Variants in HDAC9 observed in about 807,000 individuals in gnomAD.
HDAC9 encodes histone deacetylase 9, also known as MEF-2 interacting transcription repressor (MITR) protein.
Under a neutral mutation model 139.4 loss-of-function variants are expected in HDAC9, and 41 were observed. The observed-to-expected ratio is 0.29, with a 90% CI of 0.23 to 0.38. The LOEUF (loss-of-function observed/expected upper bound fraction) is 0.38, where lower values mean the gene tolerates loss of function less well. Ranked by LOEUF, HDAC9 falls within the 10% of genes least tolerant of loss-of-function variation. The probability of loss-of-function intolerance (pLI) is 1.00; values close to 1 mark genes in which losing one functional copy is unlikely to be tolerated. For synonymous variants in HDAC9, 517 were observed against 476.2 expected (o/e 1.09, Z -1.12); for missense variants, 1,147 against 1,297.0 (o/e 0.88, Z 1.78).
In HDAC9 at chr7:18,400,551, G is replaced by T. The variant is rs1562952995; in HGVS notation, c.-41-95711G>T. ...GGGGTCATCCATTGAGAGGATAGCC[G>T]GGAGGTATGAATGGGAACTTGAAAA... On this transcript the variant is annotated intron_variant, in intron 1 of 3. Transcript: ENST00000413509. 3.3e-5 allele frequency among the ~76,000 whole-genome samples: 5 copies of T among 152,164 alleles called. No homozygotes were observed. The South Asian group carries it at 1.0e-3, about 32-fold the overall frequency.
intron 2 of HDAC9, among the ~76,000 whole-genome samples, chr7:18,515,471 G>GCTAA (rs1295690460): frequency 3.3e-5 from 5 of 152,112 alleles, no homozygotes; most frequent in African/African-American, 9.7e-5. Flanking sequence ...GGAATCCAGG[G>GCTAA]CTAAGCAGCA....
chr7:18,473,250 G>A (rs1422356848), intron 1 of HDAC9, among the ~76,000 whole-genome samples: 3 of 152,086 alleles, frequency 2.0e-5, no homozygotes, highest in African/African-American at 7.2e-5. Flanking sequence ...ATGTTTGTAG[G>A]GTTCAGCAGA....
intron 21 of HDAC9, among the ~76,000 whole-genome samples, chr7:18,856,934 C>T (rs142968927): frequency 9.3e-4 from 141 of 152,236 alleles, no homozygotes; most frequent in Non-Finnish European, 1.7e-3. Flanking sequence ...GTTGTGAAAC[C>T]ATAAAGTGCC....
intron 19 of HDAC9, among the ~76,000 whole-genome samples, chr7:18,832,739 A>ATT (rs374428028): frequency 1.4e-5 from 2 of 147,134 alleles, no homozygotes; most frequent in African/African-American, 2.6e-5. Context: ...ATATATATAT[A>ATT]TTTTTTTTTT....
intron 2 of HDAC9, among the ~76,000 whole-genome samples, chr7:18,167,184 T>C (rs1788067251): frequency 6.7e-6 from 1 of 148,186 alleles, no homozygotes; most frequent in Non-Finnish European, 1.5e-5. Flanking sequence ...TTATTAACTA[T>C]TGTTTTGGAT....
chr7:18,748,217 A>G (rs1392138821), intron 13 of HDAC9, among the ~76,000 whole-genome samples: 1 of 152,210 alleles, frequency 6.6e-6, no homozygotes, highest in Non-Finnish European at 1.5e-5. Flanking sequence ...CTAATAATTC[A>G]TCTTATCATG....
intron 17 of HDAC9, among the ~76,000 whole-genome samples, chr7:18,810,494 TTG>T (rs1794090082): frequency 6.6e-6 from 1 of 151,896 alleles, no homozygotes; most frequent in African/African-American, 2.4e-5. Flanking sequence ...TAACAATCCA[TTG>T]ATATTTTTCA....
At chr7:18,569,271 G>A (rs1054748818) in intron 2 of HDAC9, among the ~76,000 whole-genome samples, 1 of 152,034 alleles carries the variant, frequency 6.6e-6, no homozygotes, top group South Asian at 2.1e-4. Flanking sequence ...TGTAAACACT[G>A]AAATTTGAAT....
rs373441653 is a variant in HDAC9 at position 18,901,221 on chromosome 7, T to TACAC, written c.2803+26649_2803+26652dup. 6.5e-4 allele frequency among the ~76,000 whole-genome samples: 80 copies of TACAC among 123,134 alleles called. 1 individual carries two copies. The highest frequency in any genetic ancestry group is 1.3e-3 in the Admixed American group (16 of 12,010). The allele number at this position is 123,134 out of a possible 152,430, so 80.8% of individuals were successfully genotyped here. A position where few individuals can be genotyped will look rare whatever the true frequency, so the allele number is the denominator to read the frequency against. On this transcript the variant is annotated intron_variant, in intron 22 of 25. Transcript: ENST00000686413. ...TACTATATATACATATATATATATA[T>TACAC]ACACACACACACACACACACACACA... is the stretch of plus-strand genomic sequence containing the variant.
rs536651828 is a variant in HDAC9, at chr7:18,435,619, GTACATGT to G, written c.-41-60642_-41-60636del. On this transcript the variant is annotated intron_variant, in intron 1 of 3. Coordinates refer to the HDAC9 transcript ENST00000413509. ...GTTTTTTACAATTTTATGTTCGGGG[GTACATGT>G]GCAGGTTTGTTATGTAGGTAAATTG... 2.4e-3 allele frequency among the ~76,000 whole-genome samples: 366 copies of G among 151,446 alleles called. 1 individual carries two copies. The highest frequency in any genetic ancestry group is 8.4e-3 in the African/African-American group (350 of 41,432).
At chr7:18,116,973 A>G (rs1344301110) in intron 1 of HDAC9, among the ~76,000 whole-genome samples, 2 of 152,234 alleles carry the variant, frequency 1.3e-5, no homozygotes, top group African/African-American at 2.4e-5. Context: ...TTTTGTTACA[A>G]TCATTCTGAA....
At chr7:18,298,236 C>A (rs931924581) in intron 1 of HDAC9, among the ~76,000 whole-genome samples, 11 of 151,488 alleles carry the variant, frequency 7.3e-5, no homozygotes, top group Non-Finnish European at 1.3e-4. Context: ...ATTTATCTAA[C>A]CTTTATAAAC....
chr7:18,950,197 C>G (rs1295477044), intron 23 of HDAC9, among the ~76,000 whole-genome samples: 1 of 152,106 alleles, frequency 6.6e-6, no homozygotes, highest in South Asian at 2.1e-4. Flanking sequence ...TGGAAGCAAC[C>G]TTTTCTCCTC....
chr7:18,441,022 G>C (rs529532253), intron 1 of HDAC9, among the ~76,000 whole-genome samples: 12 of 152,158 alleles, frequency 7.9e-5, no homozygotes, highest in Non-Finnish European at 1.5e-4. Context: ...ATCACTGTGT[G>C]CTCTTGGAGA....
intron 1 of HDAC9, among the ~76,000 whole-genome samples, chr7:18,363,769 T>G (rs1783966553): frequency 6.6e-6 from 1 of 152,138 alleles, no homozygotes; most frequent in Admixed American, 6.6e-5. Flanking sequence ...ACCAGGTGCC[T>G]CCTCTTTTTG....
upstream of HDAC9, among the ~76,000 whole-genome samples, chr7:18,289,748 C>T (rs888344396): frequency 3.9e-5 from 6 of 152,116 alleles, no homozygotes; most frequent in Admixed American, 3.9e-4. Flanking sequence ...GGGATTGAAA[C>T]AGCAAAATCA....
At chr7:18,550,726 G>A (rs1187811921) in intron 2 of HDAC9, among the ~76,000 whole-genome samples, 1 of 152,172 alleles carries the variant, frequency 6.6e-6, no homozygotes, top group African/African-American at 2.4e-5. Flanking sequence ...ACTAGGATGT[G>A]AGATGCCTGG....
intron 1 of HDAC9, among the ~76,000 whole-genome samples, chr7:18,431,743 A>G (rs1790689144): frequency 2.6e-5 from 4 of 152,220 alleles, no homozygotes; most frequent in African/African-American, 9.6e-5. Context: ...ACTTTCAATA[A>G]ATACGTAAAA....
chr7:18,908,869 A>G (rs1258398118), intron 22 of HDAC9, among the ~76,000 whole-genome samples: 2 of 152,100 alleles, frequency 1.3e-5, no homozygotes, highest in Non-Finnish European at 2.9e-5. Context: ...AATAAATACA[A>G]AAGTGCAGAT....
Sources: allele counts gnomAD v4.1 joint callset (sites outside exome capture counted in the v4.1 genomes callset), GRCh38; gene constraint gnomAD v4.1.1; transcripts MANE v1.5; gene names NCBI Gene and HGNC (gene_info 2026-07-23, HGNC 2026-07-21).